The following PTPRD variants were observed in gnomAD, a reference collection of about 807,000 sequenced individuals.
PTPRD encodes the protein protein tyrosine phosphatase receptor type D.
Under a neutral mutation model 214.5 loss-of-function variants are expected in PTPRD, and 34 were observed. The ratio of observed to expected loss-of-function variants is 0.16; its 90% CI spans 0.12 to 0.21. The LOEUF is 0.21. Among genes scored for constraint, PTPRD ranks in the 10% least tolerant of loss-of-function variants. The probability of loss-of-function intolerance (pLI) is 1.00; values close to 1 mark genes in which losing one functional copy is unlikely to be tolerated. For missense variants in PTPRD, 2,545 were observed against 2,398.7 expected, an observed-to-expected ratio of 1.06 and a Z score of -1.27; for synonymous variants, 1,128 against 845.7, an observed-to-expected ratio of 1.33 and a Z score of -5.79.
At chr9:10,430,368 T>C (rs1306021459) in intron 2 of PTPRD, among the ~76,000 whole-genome samples, 2 of 151,930 alleles carry the variant, frequency 1.3e-5, no homozygotes, top group Admixed American at 6.6e-5. Flanking sequence ...CATTGACAAT[T>C]ATTTAAATAA....
At chr9:10,327,382 G>A (rs576290818) in intron 3 of PTPRD, among the ~76,000 whole-genome samples, 81 of 151,518 alleles carry the variant, frequency 5.3e-4, no homozygotes, top group African/African-American at 1.9e-3. Flanking sequence ...GAGATAAATT[G>A]ATCATAAAAT....
chr9:10,373,623 T>C lies in PTPRD; in HGVS notation c.-599-32606A>G, dbSNP rs374859262. ...AATTGTGTCTCTTATTGCAGGAACC[T>C]GAGCCTTTTCCCCAGCTATAGGCAC... On this transcript the variant is annotated intron_variant, in intron 2 of 45. Coordinates refer to ENST00000381196, the MANE Select transcript of PTPRD (RefSeq NM_002839.4). Among the ~76,000 whole-genome samples the C allele has an allele frequency of 8.4e-4, 128 of 152,220 alleles. 1 individual carries two copies. In the South Asian group the frequency reaches 0.026, roughly 31 times the overall value.
intron 8 of PTPRD, among the ~76,000 whole-genome samples, chr9:9,561,309 T>G (rs1488680095): frequency 6.6e-6 from 1 of 152,230 alleles, no homozygotes. Flanking sequence ...TATTGATTGA[T>G]GTCTGCCTGT....
At position 9,928,677 on chromosome 9, in the gene PTPRD, C is replaced by G. The variant is rs145198420; in HGVS notation, c.-368+9830G>C. On this transcript the variant is annotated intron_variant, in intron 5 of 45. Transcript: ENST00000381196. Reference sequence around the variant, plus strand: ...TATTTGTAAACTCGACTAGTGATACCTGACCTTGTATTTGGTGAAAGAAAA... The same window carrying G: ...TATTTGTAAACTCGACTAGTGATACGTGACCTTGTATTTGGTGAAAGAAAA... 3.2e-4 allele frequency among the ~76,000 whole-genome samples: 48 copies of G among 151,728 alleles called. No individual in the cohort carries two copies. In the East Asian group the frequency reaches 8.3e-3, roughly 26 times the overall value.
intron 4 of PTPRD, among the ~76,000 whole-genome samples, chr9:10,017,019 T>G (rs1023246095): frequency 6.6e-6 from 1 of 152,174 alleles, no homozygotes; most frequent in Non-Finnish European, 1.5e-5. Context: ...TGTGTCACGG[T>G]TGAAACACCT....
intron 12 of PTPRD, among the ~76,000 whole-genome samples, chr9:8,643,239 T>C (rs2096615101): frequency 6.6e-6 from 1 of 152,172 alleles, no homozygotes; most frequent in South Asian, 2.1e-4. Flanking sequence ...CTAGACTAAA[T>C]GTTTAATATA....
At chr9:9,909,419 T>A (rs550210465) in intron 5 of PTPRD, among the ~76,000 whole-genome samples, 14 of 150,984 alleles carry the variant, frequency 9.3e-5, no homozygotes, top group African/African-American at 3.4e-4. Flanking sequence ...CTTTAAAATA[T>A]TTACATATCT....
chr9:10,214,632 T>A (rs916273772), intron 3 of PTPRD, among the ~76,000 whole-genome samples: 1 of 151,988 alleles, frequency 6.6e-6, no homozygotes, highest in African/African-American at 2.4e-5. Context: ...GCTGTAGGTG[T>A]TGCTGTATAA....
intron 44 of PTPRD, among the ~76,000 whole-genome samples, chr9:8,326,795 C>T (rs1450765211): frequency 2.7e-5 from 4 of 150,392 alleles, no homozygotes; most frequent in African/African-American, 7.3e-5. Context: ...GGAGGGTGTA[C>T]GTCTCCAGGA....
chr9:8,786,759 TG>T (rs1439621810), intron 11 of PTPRD, among the ~76,000 whole-genome samples: 2 of 132,724 alleles, frequency 1.5e-5, no homozygotes, highest in East Asian at 2.2e-4. Context: ...AAAAAAAAGG[TG>T]GGGGGGCGGG....
At chr9:9,290,380 C>A (rs1950770531) in intron 9 of PTPRD, among the ~76,000 whole-genome samples, 1 of 151,572 alleles carries the variant, frequency 6.6e-6, no homozygotes, top group South Asian at 2.1e-4. Flanking sequence ...ACAAGGTTTG[C>A]AAATATTTTC....
chr9:9,222,842 T>C (rs962122671), intron 9 of PTPRD, among the ~76,000 whole-genome samples: 4 of 152,012 alleles, frequency 2.6e-5, no homozygotes, highest in African/African-American at 9.7e-5. Context: ...TGTTAACATA[T>C]ATTCTTGGTT....
At chr9:8,825,464 A>C (rs2097156683) in intron 11 of PTPRD, among the ~76,000 whole-genome samples, 2 of 152,218 alleles carry the variant, frequency 1.3e-5, no homozygotes, top group Admixed American at 6.5e-5. Context: ...AGAGAGAAAT[A>C]AATATGCTCT....
chr9:9,608,894 A>T (rs530292396), intron 7 of PTPRD, among the ~76,000 whole-genome samples: 47 of 152,154 alleles, frequency 3.1e-4, no homozygotes, highest in African/African-American at 1.1e-3. Context: ...AGTCTCCAAC[A>T]CTTCATTTAT....
intron 2 of PTPRD, among the ~76,000 whole-genome samples, chr9:10,482,285 G>C (rs539700946): frequency 6.6e-6 from 1 of 151,876 alleles, no homozygotes; most frequent in Non-Finnish European, 1.5e-5. Flanking sequence ...GCAGGAGAAT[G>C]GCATGAACCC....
intron 14 of PTPRD, among the ~76,000 whole-genome samples, chr9:8,617,971 G>A (rs2095667405): frequency 6.6e-6 from 1 of 152,092 alleles, no homozygotes; most frequent in Non-Finnish European, 1.5e-5. Context: ...CTGGTAGGTT[G>A]TCCCACTTAA....
At chr9:10,231,502 G>A (rs1409653527) in intron 3 of PTPRD, among the ~76,000 whole-genome samples, 1 of 151,952 alleles carries the variant, frequency 6.6e-6, no homozygotes, top group Admixed American at 6.6e-5. Flanking sequence ...TGATTAATTG[G>A]TGAGTTCTTG....
intron 14 of PTPRD, among the ~76,000 whole-genome samples, chr9:8,551,936 T>G (rs180717764): frequency 6.6e-6 from 1 of 152,156 alleles, no homozygotes. Flanking sequence ...CAAATAAGTG[T>G]AGATAAAATA....
At chr9:10,377,190 A>G (rs76150519) in intron 2 of PTPRD, among the ~76,000 whole-genome samples, 13,954 of 152,052 alleles carry the variant, frequency 0.092, 730 homozygotes, top group South Asian at 0.22. Context: ...TTCACTTAGC[A>G]TAATGATCTC....
Sources: allele counts gnomAD v4.1 joint callset (sites outside exome capture counted in the v4.1 genomes callset), GRCh38; gene constraint gnomAD v4.1.1; transcripts MANE v1.5; gene names NCBI Gene and HGNC (gene_info 2026-07-23, HGNC 2026-07-21).